The following ATG16L2 variants were observed in gnomAD, a reference collection of about 807,000 sequenced individuals.
ATG16L2 encodes the protein protein Atg16l2.
ATG16L2 carries 77 observed loss-of-function variants against 84.7 expected under a neutral mutation model. The ratio of observed to expected loss-of-function variants is 0.91; its 90% confidence interval spans 0.76 to 1.10. ATG16L2 has a LOEUF of 1.10. Ranked by LOEUF, ATG16L2 falls within the 50% of genes least tolerant of loss-of-function variation. The probability of loss-of-function intolerance (pLI) is 0.00; values close to 1 mark genes in which losing one functional copy is unlikely to be tolerated. For synonymous variants in ATG16L2, 361 were observed against 342.8 expected, an observed-to-expected ratio of 1.05 and a Z score of -0.59; for missense variants, 782 against 817.6, an observed-to-expected ratio of 0.96 and a Z score of 0.53.
In ATG16L2 at chr11:72,822,982, C is replaced by G; in HGVS notation, c.824+21C>G. The G allele has an allele frequency of 1.3e-6, 2 of 1,518,894 alleles. No homozygotes were observed. Among genetic ancestry groups the G allele is most frequent in the Non-Finnish European group, 1.8e-6 (2 of 1,118,858 alleles). The allele number at this position is 1,518,894 out of a possible 1,614,324, so 94.1% of individuals were successfully genotyped here. A position where few individuals can be genotyped will look rare whatever the true frequency, so the allele number is the denominator to read the frequency against. On this transcript the variant is annotated intron_variant, in intron 7 of 17. Transcript: ENST00000321297. This position sits in a 1 kb window ranked among gnomAD's most constrained non-coding sequence, Gnocchi z 4.2. ...TTCAGGTGAGGACCCAGGTGACAGT[C>G]TCAGAGCTCTGAGCTGAGCCCCACC...
In ATG16L2 at chr11:72,826,814, C is replaced by T. The variant is rs181866073; in HGVS notation, c.1357C>T (p.Arg453Cys). 4.8e-5 allele frequency: 77 copies of T among 1,613,678 alleles called. No homozygotes were observed. The highest frequency in any genetic ancestry group is 6.2e-5 in the Non-Finnish European group (73 of 1,179,916). The change falls in exon 13 of 18, where the codon CGT becomes TGT. Residue 453 changes from arginine to cysteine, a missense_variant. Transcript: ENST00000321297. ...DRTVKEWDLGRAYCSRTINVL... is the reference protein window; with the variant it reads ...DRTVKEWDLGCAYCSRTINVL... ...GACAGTGAAGGAGTGGGACCTCGGC[C>T]GTGCCTATTGTGAGCCCGAGCCCCA...
chr11:72,817,807 G>T lies in ATG16L2; in HGVS notation c.270G>T (p.Arg90Ser), dbSNP rs1341581403. ...SDQVPSLVAL[R>S]VKWQEEEEGL... ...AAGTCCCATCACTGGTCGCACTGAGGGTGAAGTGGCAGGAGGAGGAGGAGG... is the reference window on the plus strand; with the variant it reads ...AAGTCCCATCACTGGTCGCACTGAGTGTGAAGTGGCAGGAGGAGGAGGAGG... The change falls in exon 3 of 18, where the codon AGG becomes AGT. Residue 90 changes from arginine (R) to serine (S), a missense_variant. Coordinates refer to ENST00000321297, the MANE Select transcript of ATG16L2 (RefSeq NM_033388.2). 3 of 1,613,496 alleles carry T rather than the reference G, an allele frequency of 1.9e-6. No individual in the cohort carries two copies. In the South Asian group the frequency reaches 3.3e-5, roughly 18 times the overall value.
chr11:72,818,458 ACT>A (rs1204756895), intron 3 of ATG16L2: 1 of 151,516 alleles, frequency 6.6e-6, no homozygotes, highest in African/African-American at 2.4e-5. Flanking sequence ...CTGTTTGCCA[ACT>A]CTCAGTTCTG....
At chr11:72,827,929 CAAAACA>C (rs1190118401) in intron 14 of ATG16L2, among the ~76,000 whole-genome samples, 8 of 152,084 alleles carry the variant, frequency 5.3e-5, no homozygotes, top group African/African-American at 1.2e-4. Flanking sequence ...CGAGATGTCT[CAAAACA>C]AAAACAAAAC....
At chr11:72,814,707 T>G in intron 1 of ATG16L2, 144 bp downstream of exon 1, 1 of 579,980 alleles carries the variant, frequency 1.7e-6, no homozygotes, top group East Asian at 3.5e-5. Context: ...CCATCCCGAC[T>G]GCCAGGACTC....
chr11:72,826,091 G>A, intron 10 of ATG16L2, 82 bp from the exon 11 acceptor site: 1 of 1,196,236 alleles, frequency 8.4e-7, no homozygotes, highest in Non-Finnish European at 1.2e-6. Context: ...GGCGGGAACT[G>A]ATCTTCCGCT....
chr11:72,833,447 G>C (rs1253575744), downstream of ATG16L2, among the ~76,000 whole-genome samples: 1 of 152,196 alleles, frequency 6.6e-6, no homozygotes, highest in African/African-American at 2.4e-5. Flanking sequence ...AGAAGGTGAA[G>C]GGATGAGCCT....
chr11:72,835,664 A>G (rs1266200364), intron 5 of ATG16L2, among the ~76,000 whole-genome samples: 1 of 152,182 alleles, frequency 6.6e-6, no homozygotes, highest in Non-Finnish European at 1.5e-5. Context: ...CCAATTTGGC[A>G]AAATCTAACA....
rs570125250 is a variant in ATG16L2 at position 72,816,123 on chromosome 11, C to T, written c.119-605C>T. 6.0e-4 allele frequency: 92 copies of T among 152,676 alleles called. No homozygotes were observed. In the Middle Eastern group the frequency reaches 0.01, roughly 17 times the overall value. The allele number at this position is 152,676 out of a possible 1,614,324, so 9.5% of individuals were successfully genotyped here. A position where few individuals can be genotyped will look rare whatever the true frequency, so the allele number is the denominator to read the frequency against. Reference sequence around the variant, plus strand: ...CCTCCCGAGTAGCTGGGACTACAGGCGCCTGCCACCACGCCTGGCTAATTT... The same window carrying T: ...CCTCCCGAGTAGCTGGGACTACAGGTGCCTGCCACCACGCCTGGCTAATTT... On this transcript the variant is annotated intron_variant, in intron 1 of 17. Coordinates refer to ENST00000321297, the MANE Select transcript of ATG16L2 (RefSeq NM_033388.2).
chr11:72,817,826 G>A lies in ATG16L2; in HGVS notation c.289G>A (p.Glu97Lys), dbSNP rs1410986352. ...ACTGAGGGTGAAGTGGCAGGAGGAG[G>A]AGGAGGGGCTCCGGCTGGTCTGTGG... The part of the protein sequence containing the change: ...VALRVKWQEE[E>K]EGLRLVCGEM... Residue 97 changes from glutamate to lysine, a missense_variant, in exon 3 of 18, where the codon GAG becomes AAG. Coordinates refer to ENST00000321297, the MANE Select transcript of ATG16L2 (RefSeq NM_033388.2). The A allele has an allele frequency of 6.2e-7, 1 of 1,612,816 alleles. No individual in the cohort carries two copies. The highest frequency in any genetic ancestry group is 8.5e-7 in the Non-Finnish European group (1 of 1,180,026).
chr11:72,842,850 C>G (rs764245364), exon 6 of ATG16L2: 1 of 1,607,860 alleles, frequency 6.2e-7, no homozygotes, highest in African/African-American at 1.3e-5. Context: ...TACTAGGGAG[C>G]AAGAGAAAAA....
At chr11:72,833,941 T>TC (rs1565276131), downstream of ATG16L2, among the ~76,000 whole-genome samples, 1 of 151,034 alleles carries the variant, frequency 6.6e-6, no homozygotes, top group Non-Finnish European at 1.5e-5. Flanking sequence ...AATTTTTTTT[T>TC]TTTTCAGGAA....
chr11:72,836,575 C>T (rs1860734447), intron 5 of ATG16L2, among the ~76,000 whole-genome samples: 1 of 152,136 alleles, frequency 6.6e-6, no homozygotes, highest in Non-Finnish European at 1.5e-5. Context: ...TTACACCTAG[C>T]ACATGGGGGC....
At chr11:72,827,958 C>G (rs949906321) in intron 14 of ATG16L2, among the ~76,000 whole-genome samples, 1 of 152,008 alleles carries the variant, frequency 6.6e-6, no homozygotes, top group Admixed American at 6.5e-5. Flanking sequence ...AAACCAAAAA[C>G]AAAACAAAAC....
intron 14 of ATG16L2, 47 bp from the exon 15 acceptor site, chr11:72,828,310 TGG>T (rs762573350): frequency 2.5e-6 from 4 of 1,603,080 alleles, no homozygotes; most frequent in Non-Finnish European, 3.4e-6. Flanking sequence ...CTGTCAGGAG[TGG>T]CCTGGCTAGG....
At chr11:72,825,428 G>A (rs768149600) in intron 10 of ATG16L2, 21 bp downstream of exon 10, 11 of 1,593,600 alleles carry the variant, frequency 6.9e-6, no homozygotes, top group East Asian at 4.5e-5. Flanking sequence ...CTCCCCTGCC[G>A]GCCAACTTGG....
Position 72,822,150 on chromosome 11 carries a change from T to C in ATG16L2, c.499T>C (p.Tyr167His). 6.7e-7 allele frequency: 1 copy of C among 1,492,028 alleles called. No homozygotes were observed. Among genetic ancestry groups the C allele is most frequent in the East Asian group, 2.6e-5 (1 of 38,680 alleles). 92.4% of individuals were successfully genotyped at this position (1,492,028 alleles called of 1,614,324 possible). A position where few individuals can be genotyped will look rare whatever the true frequency, so the allele number is the denominator to read the frequency against. Residue 167 changes from tyrosine to histidine, a missense_variant, in exon 5 of 18, where the codon TAC (tyrosine) becomes CAC (histidine). Coordinates refer to ENST00000321297, the MANE Select transcript of ATG16L2 (RefSeq NM_033388.2). The surrounding 1 kb of genome is among the most constrained non-coding windows in gnomAD (Gnocchi z 4.2). ...RAQNAVQRAA[Y>H]EALRAHVGLR... ...GCAGAATGCGGTGCAGCGGGCAGCC[T>C]ACGAGGCGCTGCGCGCGCACGTCGG... is the stretch of plus-strand genomic sequence containing the variant.
exon 6 of ATG16L2, chr11:72,843,269 G>A (rs371674049): frequency 6.2e-7 from 1 of 1,614,016 alleles, no homozygotes; most frequent in Non-Finnish European, 8.5e-7. Context: ...GGCTGTTCGA[G>A]GTGGGAAACT....
In ATG16L2 at chr11:72,822,067, T is replaced by TGGCGCAGCTGCGAGAGGCGCG; in HGVS notation, c.425_445dup (p.Leu142_Gln148dup). On this transcript the variant is annotated inframe_insertion, in exon 5 of 18. Coordinates refer to ENST00000321297, the MANE Select transcript of ATG16L2 (RefSeq NM_033388.2). The surrounding 1 kb of genome is among the most constrained non-coding windows in gnomAD (Gnocchi z 4.2). ...AGGCTGGCAGCCCTGGAGGCCCGCGTGGCGCAGCTGCGAGAGGCGCGGGCG... is the reference window on the plus strand; with the variant it reads ...AGGCTGGCAGCCCTGGAGGCCCGCGTGGCGCAGCTGCGAGAGGCGCGGGCGCAGCTGCGAGAGGCGCGGGCG... 1 of 1,518,654 alleles carries TGGCGCAGCTGCGAGAGGCGCG rather than the reference T, an allele frequency of 6.6e-7. No homozygotes were observed. Among genetic ancestry groups the TGGCGCAGCTGCGAGAGGCGCG allele is most frequent in the East Asian group, 2.5e-5 (1 of 40,516 alleles). 94.1% of individuals were successfully genotyped at this position (1,518,654 alleles called of 1,614,324 possible). A position where few individuals can be genotyped will look rare whatever the true frequency, so the allele number is the denominator to read the frequency against.
Sources: allele counts gnomAD v4.1 joint callset (sites outside exome capture counted in the v4.1 genomes callset), GRCh38; gene constraint gnomAD v4.1.1; non-coding constraint Gnocchi (gnomAD v3.1); transcripts MANE v1.5; gene names NCBI Gene and HGNC (gene_info 2026-07-23, HGNC 2026-07-21).